The following RASEF variants were observed in gnomAD, a reference collection of about 807,000 sequenced individuals.
The protein encoded by RASEF is RAS and EF-hand domain containing.
In RASEF, 68 loss-of-function variants were observed where a neutral mutation model predicts 90.1. The ratio of observed to expected loss-of-function variants is 0.75; its 90% CI spans 0.62 to 0.92. RASEF has a LOEUF of 0.92. RASEF is among the 40% of genes least tolerant of loss of function. The pLI is 0.00. For synonymous variants in RASEF, 331 were observed against 345.2 expected, an observed-to-expected ratio of 0.96 and a Z score of 0.46; for missense variants, 949 against 937.2, an observed-to-expected ratio of 1.01 and a Z score of -0.16.
the RASEF span, among the ~76,000 whole-genome samples, chr9:83,190,151 T>C: frequency 6.6e-5 from 10 of 152,306 alleles, no homozygotes; most frequent in African/African-American, 2.4e-4. Flanking sequence ...CCCACAATAC[T>C]GTAATTAGCG....
upstream of RASEF, among the ~76,000 whole-genome samples, chr9:83,067,010 C>T (rs1406062757): frequency 3.9e-5 from 6 of 152,090 alleles, no homozygotes; most frequent in Admixed American, 3.9e-4. Context: ...ATAAATTGGC[C>T]CAACTTCCCA....
At chr9:83,048,881 C>A (rs1298212090) in intron 1 of RASEF, 4 of 538,470 alleles carry the variant, frequency 7.4e-6, no homozygotes, top group Non-Finnish European at 9.5e-6. Context: ...GTCATCCCAA[C>A]ACTTTGGGAG....
intron 7 of RASEF, 26 bp downstream of exon 7, chr9:83,007,411 A>G (rs754325423): frequency 1.9e-6 from 3 of 1,543,644 alleles, no homozygotes; most frequent in African/African-American, 2.7e-5. Context: ...ATGTAAATGT[A>G]ATGAGCATTT....
the RASEF span, among the ~76,000 whole-genome samples, chr9:83,203,216 G>A: frequency 6.6e-6 from 1 of 151,670 alleles, no homozygotes; most frequent in Non-Finnish European, 1.5e-5. Context: ...CTAGCTCTTA[G>A]TGAGTTAGAC....
chr9:83,138,182 G>T, the RASEF span, among the ~76,000 whole-genome samples: 1 of 151,964 alleles, frequency 6.6e-6, no homozygotes. Context: ...TGAATCTGTT[G>T]TCCAAATAAT....
chr9:83,157,651 TCA>T, the RASEF span, among the ~76,000 whole-genome samples: 1 of 152,240 alleles, frequency 6.6e-6, no homozygotes, highest in African/African-American at 2.4e-5. Flanking sequence ...AGAAGTTTTC[TCA>T]TTTTGCTGCA....
the RASEF span, among the ~76,000 whole-genome samples, chr9:83,072,051 A>ATCTT: frequency 6.6e-6 from 1 of 152,238 alleles, no homozygotes; most frequent in Non-Finnish European, 1.5e-5. Flanking sequence ...ACCATCTTTA[A>ATCTT]TCTTTTTCTT....
the RASEF span, among the ~76,000 whole-genome samples, chr9:83,071,984 A>G: frequency 1.3e-5 from 2 of 152,194 alleles, no homozygotes; most frequent in Non-Finnish European, 2.9e-5. Context: ...CCCAGACTCA[A>G]GGGGAAGGTC....
intron 12 of RASEF, among the ~76,000 whole-genome samples, chr9:82,999,278 A>G (rs1026996953): frequency 5.9e-5 from 9 of 152,198 alleles, no homozygotes; most frequent in Admixed American, 4.6e-4. Flanking sequence ...AACGGATCAT[A>G]TATCTGGCTA....
rs945095862 is a variant in RASEF, at chr9:83,019,832, C to G, written c.669+2504G>C. 2.0e-5 allele frequency among the ~76,000 whole-genome samples: 3 copies of G among 152,146 alleles called. 1 individual carries two copies. In the East Asian group the frequency reaches 5.8e-4, roughly 29 times the overall value. On this transcript the variant is annotated intron_variant, in intron 3 of 16. Transcript: ENST00000376447. ...GCCAGAGAAGAAATAGCATATATTG[C>G]ATGATTCCACTTCTATACAGTTCTG...
chr9:83,009,777 G>C, intron 5 of RASEF, 21 bp from the exon 6 acceptor site: 1 of 1,470,652 alleles, frequency 6.8e-7, no homozygotes, highest in Non-Finnish European at 9.5e-7. Flanking sequence ...TGAAAAGTGG[G>C]GGTCATTAGA....
chr9:83,124,179 C>T, the RASEF span, among the ~76,000 whole-genome samples: 1 of 152,206 alleles, frequency 6.6e-6, no homozygotes, highest in African/African-American at 2.4e-5. Context: ...TACCACATTT[C>T]ATTTCTCCAT....
At chr9:83,206,707 G>A in the RASEF span, among the ~76,000 whole-genome samples, 2 of 152,154 alleles carry the variant, frequency 1.3e-5, no homozygotes, top group Admixed American at 6.5e-5. Flanking sequence ...CCAGAGGCCC[G>A]GAGGCCTGTG....
the RASEF span, among the ~76,000 whole-genome samples, chr9:83,131,840 T>C: frequency 6.6e-6 from 1 of 152,200 alleles, no homozygotes; most frequent in South Asian, 2.1e-4. Flanking sequence ...GGCTTGCATA[T>C]ATATAGGATG....
At chr9:83,127,146 G>A in the RASEF span, among the ~76,000 whole-genome samples, 3 of 152,134 alleles carry the variant, frequency 2.0e-5, no homozygotes, top group Admixed American at 6.6e-5. Context: ...ATATGAGCTA[G>A]CCACTAATCC....
chr9:83,040,676 A>G (rs900538452), intron 1 of RASEF, among the ~76,000 whole-genome samples: 7 of 152,196 alleles, frequency 4.6e-5, no homozygotes, highest in African/African-American at 1.7e-4. Flanking sequence ...TTGAATACCT[A>G]CCACTGATTA....
the RASEF span, among the ~76,000 whole-genome samples, chr9:83,141,535 A>C: frequency 6.6e-6 from 1 of 152,192 alleles, no homozygotes; most frequent in African/African-American, 2.4e-5. Context: ...AAGAATCTTG[A>C]AGGATTTACG....
At chr9:83,163,710 A>G in the RASEF span, among the ~76,000 whole-genome samples, 1 of 152,198 alleles carries the variant, frequency 6.6e-6, no homozygotes, top group African/African-American at 2.4e-5. Flanking sequence ...ACAACAGAGT[A>G]TTCAAGAACT....
chr9:83,129,699 C>T, the RASEF span, among the ~76,000 whole-genome samples: 9 of 152,076 alleles, frequency 5.9e-5, no homozygotes, highest in East Asian at 1.9e-4. Context: ...CAGGTAGCCA[C>T]GGAAGTCACT....
Sources: gnomAD v4.1 joint callset for allele counts (sites outside exome capture counted in the v4.1 genomes callset) on GRCh38, gnomAD v4.1.1 for gene constraint, MANE v1.5 for transcripts, NCBI Gene and HGNC (gene_info 2026-07-23, HGNC 2026-07-21) for gene names.